Variants in FBXL18 observed in about 807,000 individuals in gnomAD.
The protein encoded by FBXL18 is F-box and leucine rich repeat protein 18.
Under a neutral mutation model 46.0 loss-of-function variants are expected in FBXL18, and 36 were observed. The ratio of observed to expected loss-of-function variants is 0.78; its 90% CI spans 0.60 to 1.03. The LOEUF (loss-of-function observed/expected upper bound fraction) is 1.03, where lower values mean the gene tolerates loss of function less well. Ranked by LOEUF, FBXL18 falls within the 50% of genes least tolerant of loss-of-function variation. FBXL18 has a pLI of 0.00. For synonymous variants in FBXL18, 557 were observed against 465.3 expected, an observed-to-expected ratio of 1.20 and a Z score of -2.54; for missense variants, 977 against 1,004.1, an observed-to-expected ratio of 0.97 and a Z score of 0.36.
rs540002086 is a variant in FBXL18, at chr7:5,459,613, G to A, written c.2001-11770C>T. On this transcript the variant is annotated intron_variant and NMD_transcript_variant, in intron 4 of 6. Transcript: ENST00000415009. Reference sequence around the variant, plus strand: ...AAATTAGCCAGGCGTGGTAGCAGGCGCCTGTAGTCCCAGCTACTCAGGAGG... The same window carrying A: ...AAATTAGCCAGGCGTGGTAGCAGGCACCTGTAGTCCCAGCTACTCAGGAGG... Among the ~76,000 whole-genome samples, 14 of 152,134 alleles carry A rather than the reference G, an allele frequency of 9.2e-5. No individual in the cohort carries two copies. In the East Asian group the frequency reaches 9.7e-4, roughly 11 times the overall value.
At chr7:5,507,117 C>T (rs1057511090) in intron 1 of FBXL18, among the ~76,000 whole-genome samples, 15 of 152,156 alleles carry the variant, frequency 9.9e-5, no homozygotes, top group African/African-American at 3.4e-4. Flanking sequence ...CATCATCTTT[C>T]TGGGGACTGT....
intron 3 of FBXL18, among the ~76,000 whole-genome samples, chr7:5,498,449 G>A (rs919266294): frequency 2.0e-5 from 3 of 152,198 alleles, no homozygotes; most frequent in African/African-American, 7.2e-5. Flanking sequence ...GGCTTCACAC[G>A]CTCAGTCAAC....
chr7:5,511,805 CA>C (rs1415760194), intron 1 of FBXL18, among the ~76,000 whole-genome samples: 4 of 150,880 alleles, frequency 2.7e-5, no homozygotes, highest in Non-Finnish European at 4.4e-5. Context: ...TATTACCTGC[CA>C]AAAAACATCT....
intron 4 of FBXL18, among the ~76,000 whole-genome samples, chr7:5,468,620 T>C (rs1206093556): frequency 1.3e-5 from 2 of 152,086 alleles, no homozygotes; most frequent in Non-Finnish European, 2.9e-5. Context: ...AGTTAGTTAT[T>C]GAGACAGCGT....
chr7:5,464,631 C>T (rs947760296), intron 4 of FBXL18, among the ~76,000 whole-genome samples: 1 of 118,248 alleles, frequency 8.5e-6, no homozygotes, highest in African/African-American at 3.3e-5. Flanking sequence ...CCACTGAACT[C>T]TAGCCTGGGC....
chr7:5,500,804 CGA>C lies in FBXL18; in HGVS notation c.1463_1464del (p.Leu488ArgfsTer213). The C allele has an allele frequency of 6.2e-7, 1 of 1,612,578 alleles. No individual in the cohort carries two copies. The highest frequency in any genetic ancestry group is 2.2e-5 in the East Asian group (1 of 44,858). On this transcript the variant is annotated frameshift_variant, in exon 3 of 5. Coordinates refer to ENST00000382368, the MANE Select transcript of FBXL18 (RefSeq NM_024963.6). LOFTEE classifies it high-confidence loss of function. ...LLKNLPFLEH[L>X]ELIGSNFSSA... is the part of the protein sequence containing the mutation. ...GAGGAGAAGTTGGACCCAATCAGCT[CGA>C]GGTGTTCCAGGAAGGGCAGGTTCTT...
chr7:5,463,976 T>C (rs1783304258), intron 4 of FBXL18, among the ~76,000 whole-genome samples: 2 of 151,426 alleles, frequency 1.3e-5, no homozygotes, highest in East Asian at 2.0e-4. Context: ...ACTGACCTCA[T>C]GATCCACCCA....
chr7:5,511,259 A>G (rs530775479), intron 1 of FBXL18, among the ~76,000 whole-genome samples: 60 of 151,446 alleles, frequency 4.0e-4, no homozygotes, highest in Admixed American at 7.3e-4. Context: ...ACACGGTGAA[A>G]CCCCGTCTCT....
chr7:5,495,299 G>A (rs868855454), intron 3 of FBXL18, among the ~76,000 whole-genome samples: 7 of 152,116 alleles, frequency 4.6e-5, no homozygotes, highest in Admixed American at 2.0e-4. Flanking sequence ...CCAGGCCTCC[G>A]AGGTGTCCCT....
At chr7:5,464,100 C>T (rs2128231263) in intron 4 of FBXL18, among the ~76,000 whole-genome samples, 1 of 152,244 alleles carries the variant, frequency 6.6e-6, no homozygotes, top group East Asian at 1.9e-4. Flanking sequence ...AATCGGAGCA[C>T]TTTGGGAGGC....
chr7:5,508,389 G>A (rs1303337165), intron 1 of FBXL18, among the ~76,000 whole-genome samples: 3 of 150,898 alleles, frequency 2.0e-5, no homozygotes, highest in Non-Finnish European at 4.4e-5. Context: ...GTTGCGGTAA[G>A]CCGAGATCGC....
At chr7:5,485,060 G>A (rs991307201) in intron 4 of FBXL18, among the ~76,000 whole-genome samples, 2 of 152,200 alleles carry the variant, frequency 1.3e-5, no homozygotes, top group African/African-American at 4.8e-5. Flanking sequence ...GCGATGACAG[G>A]TGTGAGCCAT....
rs1784602229 is a variant in FBXL18, at chr7:5,513,736, G to T, written c.-62C>A. 1.3e-6 allele frequency: 2 copies of T among 1,568,780 alleles called. No homozygotes were observed. Among genetic ancestry groups the T allele is most frequent in the South Asian group, 1.2e-5 (1 of 86,026 alleles). On this transcript the variant is annotated 5_prime_UTR_variant, in exon 1 of 5. Coordinates refer to ENST00000382368, the MANE Select transcript of FBXL18 (RefSeq NM_024963.6). Reference sequence around the variant, plus strand: ...CAACCCCGTGCCTCCCACCTGCCCGGCTAGGGATGCTCGAAGCCGGCGCGT... The same window carrying T: ...CAACCCCGTGCCTCCCACCTGCCCGTCTAGGGATGCTCGAAGCCGGCGCGT...
At position 5,480,549 on chromosome 7, in the gene FBXL18, T is replaced by TATATATATATATATATA. The variant is rs1491478537; in HGVS notation, c.*1225_*1226insTATATATATATATATAT. ...TTGAATATATATATATATATATATA[T>TATATATATATATATATA]TTTTTTTTTTTTTTTTTTTTTTTTT... On this transcript the variant is annotated 3_prime_UTR_variant, in exon 5 of 5. Transcript: ENST00000382368. 1.0e-4 allele frequency: 3 copies of TATATATATATATATATA among 28,632 alleles called. No homozygotes were observed. Among genetic ancestry groups the TATATATATATATATATA allele is most frequent in the African/African-American group, 2.9e-4 (2 of 6,928 alleles). 1.8% of individuals were successfully genotyped at this position (28,632 alleles called of 1,614,324 possible).
At chr7:5,484,639 A>ATTTT (rs571301335) in intron 4 of FBXL18, among the ~76,000 whole-genome samples, 2 of 137,638 alleles carry the variant, frequency 1.5e-5, no homozygotes, top group Non-Finnish European at 1.6e-5. Context: ...TGACCAGCTA[A>ATTTT]TTTTTTTTTT....
chr7:5,465,929 T>C (rs1783334583), intron 4 of FBXL18, among the ~76,000 whole-genome samples: 1 of 151,942 alleles, frequency 6.6e-6, no homozygotes, highest in African/African-American at 2.4e-5. Flanking sequence ...GCGATTCTCC[T>C]GCCTCAGCCT....
In FBXL18 at chr7:5,480,307, A is replaced by G. The variant is rs1382166920; in HGVS notation, c.*1468T>C. The G allele has an allele frequency of 6.6e-6, 1 of 152,140 alleles. No individual in the cohort carries two copies. The highest frequency in any genetic ancestry group is 2.4e-5 in the African/African-American group (1 of 41,418). 9.4% of individuals were successfully genotyped at this position (152,140 alleles called of 1,614,324 possible). A position where few individuals can be genotyped will look rare whatever the true frequency, so the allele number is the denominator to read the frequency against. ...AGGGCCCAACTACAGCCCCCTTTGG[A>G]AGCCACTGGCCCAGGGACAGCTCTA... On this transcript the variant is annotated 3_prime_UTR_variant, in exon 5 of 5. Coordinates refer to ENST00000382368, the MANE Select transcript of FBXL18 (RefSeq NM_024963.6).
intron 1 of FBXL18, among the ~76,000 whole-genome samples, chr7:5,506,613 A>G (rs1160886323): frequency 6.7e-6 from 1 of 149,510 alleles, no homozygotes; most frequent in African/African-American, 2.5e-5. Context: ...CTGGAGTGCA[A>G]TGGTGCGATC....
intron 4 of FBXL18, chr7:5,489,722 C>T (rs1370099858): frequency 1.3e-5 from 3 of 224,192 alleles, no homozygotes; most frequent in Admixed American, 5.2e-5. Context: ...GAGCTTGCAG[C>T]GAGCCGAGAT....
Sources: gnomAD v4.1 joint callset for allele counts (sites outside exome capture counted in the v4.1 genomes callset) on GRCh38, gnomAD v4.1.1 for gene constraint, MANE v1.5 for transcripts, NCBI Gene and HGNC (gene_info 2026-07-23, HGNC 2026-07-21) for gene names.